Variants in PPP1R21 observed in about 807,000 individuals in gnomAD.
PPP1R21 encodes protein phosphatase 1 regulatory subunit 21.
PPP1R21 carries 85 observed loss-of-function variants against 112.8 expected under a neutral mutation model. That is an observed-to-expected ratio of 0.75 (90% confidence interval 0.63 to 0.90). The LOEUF (loss-of-function observed/expected upper bound fraction) is 0.90, where lower values mean the gene tolerates loss of function less well. PPP1R21 is among the 40% of genes least tolerant of loss of function. The pLI, the probability that PPP1R21 is intolerant of heterozygous loss-of-function variation, is 0.00. For synonymous variants in PPP1R21, 381 were observed against 322.3 expected, an observed-to-expected ratio of 1.18 and a Z score of -1.95; for missense variants, 1,199 against 901.5, an observed-to-expected ratio of 1.33 and a Z score of -4.23.
intron 2 of PPP1R21, among the ~76,000 whole-genome samples, chr2:48,451,282 T>C (rs1244063907): frequency 6.6e-6 from 1 of 152,126 alleles, no homozygotes; most frequent in African/African-American, 2.4e-5. Flanking sequence ...CTAAAAATTA[T>C]AAAAAAAGGT....
intron 13 of PPP1R21, among the ~76,000 whole-genome samples, chr2:48,481,654 A>G (rs1669016974): frequency 6.6e-6 from 1 of 152,330 alleles, no homozygotes. Context: ...GAGTGGGAAG[A>G]TCACTTGAGC....
intron 17 of PPP1R21, among the ~76,000 whole-genome samples, chr2:48,501,462 G>A (rs1670109033): frequency 6.6e-6 from 1 of 152,214 alleles, no homozygotes; most frequent in Non-Finnish European, 1.5e-5. Flanking sequence ...CAGTCAGTCA[G>A]TCCTCACACA....
rs375251931 is a variant in PPP1R21, at chr2:48,440,853, C to A, written c.-101C>A. ...GCGGCGGCTGCGGTGGCCAAGCAGG[C>A]AGATACTGCCTGACCCGTTCCCGGG... On this transcript the variant is annotated 5_prime_UTR_variant, in exon 1 of 22. Transcript: ENST00000294952. The A allele has an allele frequency of 1.3e-4, 103 of 809,774 alleles. 4 individuals are homozygous for A. In the South Asian group the frequency reaches 1.5e-3, roughly 12 times the overall value. 50.2% of individuals were successfully genotyped at this position (809,774 alleles called of 1,614,324 possible). A position where few individuals can be genotyped will look rare whatever the true frequency, so the allele number is the denominator to read the frequency against.
At chr2:48,458,473 G>T (rs1390992828) in intron 4 of PPP1R21, among the ~76,000 whole-genome samples, 1 of 152,038 alleles carries the variant, frequency 6.6e-6, no homozygotes, top group Non-Finnish European at 1.5e-5. Context: ...ACTTAACAGT[G>T]CAGAAATATA....
chr2:48,491,754 A>AT (rs958555772), intron 15 of PPP1R21, among the ~76,000 whole-genome samples: 9 of 152,110 alleles, frequency 5.9e-5, no homozygotes, highest in Non-Finnish European at 1.3e-4. Context: ...GTTTTAGAAT[A>AT]TTTTTTTCTC....
chr2:48,497,182 A>T (rs1257044399), intron 16 of PPP1R21, among the ~76,000 whole-genome samples: 2 of 152,136 alleles, frequency 1.3e-5, no homozygotes, highest in Admixed American at 1.3e-4. Flanking sequence ...CACTATCTCC[A>T]TGTAGATAGT....
intron 14 of PPP1R21, among the ~76,000 whole-genome samples, chr2:48,490,373 G>A (rs907834054): frequency 1.1e-4 from 16 of 152,176 alleles, no homozygotes; most frequent in Admixed American, 5.9e-4. Context: ...TAAAGTACTT[G>A]TTGAGATACA....
At chr2:48,485,887 ACTAACTAATATATACAATT>A (rs1669265006) in intron 13 of PPP1R21, among the ~76,000 whole-genome samples, 2 of 1,890 alleles carry the variant, frequency 1.1e-3, no homozygotes, top group Non-Finnish European at 5.8e-3. Flanking sequence ...AATTGTATAT[ACTAACTAATATATACAATT>A]GTATATACTA....
intron 3 of PPP1R21, 125 bp downstream of exon 3, chr2:48,454,866 G>T (rs1359215895): frequency 2.7e-6 from 2 of 729,714 alleles, no homozygotes; most frequent in Non-Finnish European, 4.6e-6. Context: ...TTGAGACAGG[G>T]TCTTGCTCTG....
At chr2:48,443,644 A>G (rs149448995) in intron 1 of PPP1R21, among the ~76,000 whole-genome samples, 9 of 152,286 alleles carry the variant, frequency 5.9e-5, no homozygotes, top group African/African-American at 2.2e-4. Flanking sequence ...TTTAATTGCA[A>G]TGTGATGGGA....
chr2:48,471,304 T>C lies in PPP1R21; in HGVS notation c.1025T>C (p.Phe342Ser), dbSNP rs1056919884. Residue 342 changes from phenylalanine to serine, a missense_variant, in exon 11 of 22, where the codon TTT (phenylalanine) becomes TCT (serine). Coordinates refer to ENST00000294952, the MANE Select transcript of PPP1R21 (RefSeq NM_001135629.3). Reference protein sequence around the residue: ...VLETTVKLKTFSEHLTSYICF... With the variant: ...VLETTVKLKTSSEHLTSYICF... ...GAGACAACTGTGAAATTGAAAACTTTTTCAGAACACTTAACCTCCTACATA... is the reference window on the plus strand; with the variant it reads ...GAGACAACTGTGAAATTGAAAACTTCTTCAGAACACTTAACCTCCTACATA... The C allele has an allele frequency of 3.7e-6, 6 of 1,611,908 alleles. No homozygotes were observed. The highest frequency in any genetic ancestry group is 5.1e-6 in the Non-Finnish European group (6 of 1,179,254).
intron 9 of PPP1R21, among the ~76,000 whole-genome samples, chr2:48,469,447 G>GCATATATATATATAT (rs1668382954): frequency 1.2e-5 from 1 of 84,526 alleles, no homozygotes; most frequent in African/African-American, 4.0e-5. Flanking sequence ...TATATATAGA[G>GCATATATATATATAT]AGAGCATATA....
intron 12 of PPP1R21, chr2:48,479,449 C>CT (rs1038391033): frequency 8.5e-6 from 4 of 471,320 alleles, no homozygotes; most frequent in South Asian, 1.5e-5. Context: ...TCTCCAGAGA[C>CT]TTTAAGTGAT....
chr2:48,501,578 A>T (rs1018153046), intron 17 of PPP1R21, among the ~76,000 whole-genome samples: 13 of 152,210 alleles, frequency 8.5e-5, no homozygotes, highest in African/African-American at 2.9e-4. Flanking sequence ...GGGATGTCTC[A>T]TCCCAAGCCC....
intron 7 of PPP1R21, 61 bp from the exon 8 acceptor site, chr2:48,464,876 T>G: frequency 7.7e-7 from 1 of 1,304,904 alleles, no homozygotes; most frequent in Non-Finnish European, 1.1e-6. Flanking sequence ...ATTTTGCATT[T>G]AAGTTATTTT....
At chr2:48,477,643 G>A (rs1572862732) in intron 12 of PPP1R21, among the ~76,000 whole-genome samples, 1 of 149,784 alleles carries the variant, frequency 6.7e-6, no homozygotes, top group Non-Finnish European at 1.5e-5. Flanking sequence ...CAAATTTCGA[G>A]ATTAGGAAGC....
chr2:48,469,948 G>A (rs1457085714), intron 9 of PPP1R21, among the ~76,000 whole-genome samples: 1 of 152,070 alleles, frequency 6.6e-6, no homozygotes, highest in African/African-American at 2.4e-5. Flanking sequence ...AAAGATTGAA[G>A]CCCAAAGAGA....
Position 48,491,049 on chromosome 2 carries a change from A to T in PPP1R21, c.1478A>T (p.Tyr493Phe). The change falls in exon 15 of 22, where the codon TAC (tyrosine) becomes TTC (phenylalanine). Residue 493 changes from tyrosine to phenylalanine, a missense_variant. Transcript: ENST00000294952. ...TCCTTCTTCAGCAACAATTTGGACT[A>T]CTTCATTGCTTCACTGAGCTATGGA... The part of the protein sequence containing the change: ...IASFFSNNLD[Y>F]FIASLSYGPK... 1.9e-6 allele frequency: 3 copies of T among 1,614,084 alleles called. No homozygotes were observed. Among genetic ancestry groups the T allele is most frequent in the Non-Finnish European group, 2.5e-6 (3 of 1,179,934 alleles).
intron 9 of PPP1R21, among the ~76,000 whole-genome samples, chr2:48,466,914 A>G (rs527546630): frequency 1.3e-5 from 2 of 152,334 alleles, no homozygotes; most frequent in South Asian, 2.1e-4. Flanking sequence ...CCCTAAGGGC[A>G]GGCCAAGACA....
Sources: allele counts gnomAD v4.1 joint callset (sites outside exome capture counted in the v4.1 genomes callset), GRCh38; gene constraint gnomAD v4.1.1; transcripts MANE v1.5; gene names NCBI Gene and HGNC (gene_info 2026-07-23, HGNC 2026-07-21).